POLR1C: variants seen among roughly 807,000 people sequenced by gnomAD.
The protein encoded by POLR1C is RNA polymerase I and III subunit C, also known as DNA-directed RNA polymerases I and III subunit RPAC1.
In POLR1C, 42 loss-of-function variants were observed where a neutral mutation model predicts 38.3. The observed-to-expected ratio is 1.10, with a 90% CI of 0.86 to 1.42. The LOEUF (loss-of-function observed/expected upper bound fraction) is 1.42. POLR1C is among the 40% of genes most tolerant of loss of function. POLR1C has a pLI of 0.00. For synonymous variants in POLR1C, 163 were observed against 163.9 expected (o/e 0.99, Z 0.04); for missense variants, 507 against 450.5 (o/e 1.13, Z -1.14).
chr6:43,558,400 G>A, intron 10 of POLR1C: 1 of 1,025,112 alleles, frequency 9.8e-7, no homozygotes, highest in Non-Finnish European at 1.4e-6. Flanking sequence ...ATCCAGATTT[G>A]GGGATCTTTC....
At chr6:43,555,941 C>A in intron 10 of POLR1C, 1 of 1,613,926 alleles carries the variant, frequency 6.2e-7, no homozygotes, top group Non-Finnish European at 8.5e-7. Context: ...AACCTCATCA[C>A]CTCTCCTTGT....
chr6:43,543,264 G>C (rs2127723312), intron 9 of POLR1C, among the ~76,000 whole-genome samples: 1 of 152,242 alleles, frequency 6.6e-6, no homozygotes, highest in South Asian at 2.1e-4. Context: ...ACTAGCCTCA[G>C]CAACATAGAG....
chr6:43,533,251 CACACACACACACGAG>C (rs1794110477), downstream of POLR1C: 1 of 138,876 alleles, frequency 7.2e-6, no homozygotes, highest in Admixed American at 6.9e-5. Context: ...CACACACACA[CACACACACACACGAG>C]GAGGCAGGAA....
intron 2 of POLR1C, 95 bp downstream of exon 2, chr6:43,517,472 C>G: frequency 9.3e-7 from 1 of 1,070,088 alleles, no homozygotes; most frequent in Non-Finnish European, 1.4e-6. Context: ...TCTTGGGGGT[C>G]GCTCCGTTTG....
intron 10 of POLR1C, among the ~76,000 whole-genome samples, chr6:43,554,374 C>T (rs543605221): frequency 3.3e-5 from 5 of 151,414 alleles, no homozygotes; most frequent in Non-Finnish European, 7.4e-5. Context: ...GCCTCCCAAA[C>T]TGCTGGGATT....
At chr6:43,549,900 T>A (rs1236284456) in intron 9 of POLR1C, 1 of 1,611,382 alleles carries the variant, frequency 6.2e-7, no homozygotes, top group Non-Finnish European at 8.5e-7. Flanking sequence ...TACCTTACTT[T>A]CTTCAACAGT....
chr6:43,535,255 G>C (rs1407017045), intron 9 of POLR1C, among the ~76,000 whole-genome samples: 1 of 148,836 alleles, frequency 6.7e-6, no homozygotes, highest in Admixed American at 6.6e-5. Flanking sequence ...GCGAGACTCT[G>C]TCTCAAAAAA....
intron 3 of POLR1C, 57 bp from the exon 4 acceptor site, chr6:43,519,649 G>T: frequency 6.2e-7 from 1 of 1,613,236 alleles, no homozygotes; most frequent in Non-Finnish European, 8.5e-7. Context: ...GGGTTACGGG[G>T]ATAGGTAGGG....
At chr6:43,519,963 C>T (rs979138638) in intron 4 of POLR1C, 103 bp from the exon 5 acceptor site, 148 of 1,550,848 alleles carry the variant, frequency 9.5e-5, no homozygotes, top group Non-Finnish European at 1.2e-4. Flanking sequence ...CTTGCCTTGT[C>T]TCCCAAGTTT....
At chr6:43,536,826 A>T (rs924017450) in intron 9 of POLR1C, among the ~76,000 whole-genome samples, 60 of 148,402 alleles carry the variant, frequency 4.0e-4, no homozygotes, top group Non-Finnish European at 7.7e-4. Context: ...ACACCTGAAA[A>T]TTTTTTCTGT....
chr6:43,560,099 G>A (rs1036548607), intron 10 of POLR1C: 14 of 1,505,838 alleles, frequency 9.3e-6, no homozygotes, highest in African/African-American at 5.5e-5. Flanking sequence ...GATTATAGGC[G>A]TGAGCCACCG....
At chr6:43,552,303 C>A (rs186884140) in intron 10 of POLR1C, among the ~76,000 whole-genome samples, 2 of 152,190 alleles carry the variant, frequency 1.3e-5, no homozygotes, top group Admixed American at 1.3e-4. Context: ...GGTGATCCAC[C>A]CACCTTAGCC....
chr6:43,551,279 AAGG>A (rs1489814386), intron 10 of POLR1C: 1 of 1,545,926 alleles, frequency 6.5e-7, no homozygotes, highest in African/African-American at 1.4e-5. Flanking sequence ...AAAATTTACA[AAGG>A]AGATGGGCTT....
chr6:43,553,314 G>A, intron 10 of POLR1C: 1 of 1,547,970 alleles, frequency 6.5e-7, no homozygotes, highest in South Asian at 1.2e-5. Flanking sequence ...AATAGAAAGA[G>A]AAAAGAAAAG....
rs1445241075 is a variant in POLR1C, at chr6:43,517,192, C to T, written c.69+14C>T. ...GGGGTTCGCAATGTAAGCCTTGTGG[C>T]CTTGAGCTCGGGCGGGAGGAATGAG... is the stretch of plus-strand genomic sequence containing the variant. On this transcript the variant is annotated intron_variant, in intron 1 of 8. Coordinates refer to ENST00000642195, the MANE Select transcript of POLR1C (RefSeq NM_203290.4). 1.2e-6 allele frequency: 2 copies of T among 1,613,872 alleles called. No homozygotes were observed. The highest frequency in any genetic ancestry group is 1.7e-6 in the Non-Finnish European group (2 of 1,179,810).
chr6:43,528,141 TG>T (rs771114333), intron 8 of POLR1C: 1 of 1,579,456 alleles, frequency 6.3e-7, no homozygotes, highest in East Asian at 2.3e-5. Flanking sequence ...CCAAGAAGAG[TG>T]GGTAGGTATC....
intron 9 of POLR1C, among the ~76,000 whole-genome samples, chr6:43,548,082 C>T (rs999418749): frequency 7.9e-5 from 12 of 152,180 alleles, no homozygotes; most frequent in Admixed American, 2.6e-4. Flanking sequence ...CCCTCCCCAC[C>T]CACAATCTAA....
In POLR1C at chr6:43,521,466, C is replaced by T. The variant is rs928739057; in HGVS notation, c.*166C>T. 2.0e-5 allele frequency: 29 copies of T among 1,463,874 alleles called. No individual in the cohort carries two copies. The highest frequency in any genetic ancestry group is 1.6e-4 in the African/African-American group (11 of 70,682). The allele number at this position is 1,463,874 out of a possible 1,614,324, so 90.7% of individuals were successfully genotyped here. On this transcript the variant is annotated 3_prime_UTR_variant, in exon 9 of 9. Transcript: ENST00000642195. ...ATGTGCCATAAAATGAGACTTTTTA[C>T]GCCTTTATAAGGCCTTAGATGTAAA...
downstream of POLR1C, chr6:43,531,460 G>A: frequency 6.3e-7 from 1 of 1,599,484 alleles, no homozygotes; most frequent in Middle Eastern, 1.7e-4. Context: ...AATATGGAGA[G>A]GCAGCATTGG....
Sources: allele counts gnomAD v4.1 joint callset (sites outside exome capture counted in the v4.1 genomes callset), GRCh38; gene constraint gnomAD v4.1.1; transcripts MANE v1.5; gene names NCBI Gene and HGNC (gene_info 2026-07-23, HGNC 2026-07-21).